Variants in NSUN6 observed in about 807,000 individuals in gnomAD.
NSUN6 encodes NOP2/Sun RNA methyltransferase 6, also known as tRNA (cytosine(72)-C(5))-methyltransferase NSUN6.
Under a neutral mutation model 58.0 loss-of-function variants are expected in NSUN6, and 64 were observed. That is an observed-to-expected ratio of 1.10 (90% confidence interval 0.90 to 1.36). The LOEUF (loss-of-function observed/expected upper bound fraction) is 1.36. Among genes scored for constraint, NSUN6 ranks in the 40% most tolerant of loss-of-function variants. The probability of loss-of-function intolerance (pLI) is 0.00; values close to 1 mark genes in which losing one functional copy is unlikely to be tolerated. For synonymous variants in NSUN6, 231 were observed against 193.9 expected (o/e 1.19, Z -1.59); for missense variants, 701 against 550.1 (o/e 1.27, Z -2.74).
At chr10:18,655,188 C>G, upstream of NSUN6, 1 of 973,052 alleles carries the variant, frequency 1.0e-6, no homozygotes, top group Non-Finnish European at 1.2e-6. Flanking sequence ...AAGAAAGGAA[C>G]AAACAACATA....
intron 10 of NSUN6, among the ~76,000 whole-genome samples, chr10:18,546,546 A>G (rs746573451): frequency 2.0e-5 from 3 of 152,194 alleles, no homozygotes; most frequent in Non-Finnish European, 4.4e-5. Context: ...CACACCTGGC[A>G]TATAGCAGGG....
chr10:18,602,336 C>G (rs1270244983), intron 6 of NSUN6, among the ~76,000 whole-genome samples: 2 of 151,836 alleles, frequency 1.3e-5, no homozygotes. Context: ...CTCCGTCTCC[C>G]AGGTTCATGC....
rs367762929 is a variant in NSUN6 at position 18,615,584 on chromosome 10, T to C, written c.421+600A>G. ...ACACATAAACAGACATGAGCCAGAC[T>C]TGGCCAGGAGGTAGTAGTTGACCCA... On this transcript the variant is annotated intron_variant, in intron 4 of 10. Coordinates refer to ENST00000377304, the MANE Select transcript of NSUN6 (RefSeq NM_182543.5). Among the ~76,000 whole-genome samples the C allele has an allele frequency of 4.2e-4, 64 of 152,320 alleles. No homozygotes were observed. In the East Asian group the frequency reaches 5.2e-3, roughly 12 times the overall value.
At chr10:18,632,600 T>A (rs1254537172) in intron 3 of NSUN6, among the ~76,000 whole-genome samples, 3 of 151,806 alleles carry the variant, frequency 2.0e-5, no homozygotes, top group Non-Finnish European at 2.9e-5. Context: ...GCGAAGGACA[T>A]GAACAGACAC....
chr10:18,615,493 C>T (rs2058378077), intron 4 of NSUN6, among the ~76,000 whole-genome samples: 1 of 152,112 alleles, frequency 6.6e-6, no homozygotes, highest in African/African-American at 2.4e-5. Context: ...GTGGCATATT[C>T]TTCTTTATAT....
chr10:18,596,599 T>C (rs534049802), intron 6 of NSUN6, among the ~76,000 whole-genome samples: 1 of 152,338 alleles, frequency 6.6e-6, no homozygotes, highest in African/African-American at 2.4e-5. Context: ...ATCAGTATTT[T>C]CTGGGTACCA....
chr10:18,554,001 G>GT (rs1264829875), intron 8 of NSUN6, among the ~76,000 whole-genome samples: 2 of 150,780 alleles, frequency 1.3e-5, no homozygotes, highest in African/African-American at 4.9e-5. Context: ...AATGGAGAAT[G>GT]TAATTGATTA....
intron 8 of NSUN6, among the ~76,000 whole-genome samples, chr10:18,555,932 G>GAATGGAATGA (rs2054982082): frequency 7.0e-6 from 1 of 142,228 alleles, no homozygotes; most frequent in Non-Finnish European, 1.5e-5. Context: ...GAATGGAATG[G>GAATGGAATGA]AGAATGGAAG....
intron 8 of NSUN6, among the ~76,000 whole-genome samples, chr10:18,578,390 C>T (rs1398301255): frequency 6.6e-6 from 1 of 152,080 alleles, no homozygotes; most frequent in Non-Finnish European, 1.5e-5. Context: ...CATGCCACCA[C>T]ACTCAGCTAA....
At chr10:18,651,607 C>G, upstream of NSUN6, 12 of 987,552 alleles carry the variant, frequency 1.2e-5, no homozygotes, top group Non-Finnish European at 1.4e-5. Flanking sequence ...ACACGCGCCC[C>G]CTATTTCTCG....
intron 2 of NSUN6, among the ~76,000 whole-genome samples, chr10:18,645,523 G>A (rs1232774012): frequency 6.6e-6 from 1 of 152,066 alleles, no homozygotes; most frequent in Non-Finnish European, 1.5e-5. Context: ...TAATATTTTT[G>A]AGGTTAATCC....
intron 6 of NSUN6, among the ~76,000 whole-genome samples, chr10:18,601,327 CA>C (rs2057830344): frequency 6.6e-6 from 1 of 151,920 alleles, no homozygotes; most frequent in Non-Finnish European, 1.5e-5. Context: ...AATTTTAGTT[CA>C]AAATGAAACT....
At chr10:18,592,202 T>G (rs2057403534) in intron 7 of NSUN6, among the ~76,000 whole-genome samples, 1 of 152,112 alleles carries the variant, frequency 6.6e-6, no homozygotes, top group Non-Finnish European at 1.5e-5. Context: ...TGCAAACCAT[T>G]GTTCAGGGAA....
intron 5 of NSUN6, 59 bp from the exon 6 acceptor site, chr10:18,609,985 GT>G: frequency 2.9e-6 from 3 of 1,035,226 alleles, no homozygotes; most frequent in Non-Finnish European, 4.5e-6. Flanking sequence ...TACAAACTAT[GT>G]TTCCAGAAAC....
intron 3 of NSUN6, among the ~76,000 whole-genome samples, chr10:18,639,126 C>A (rs10829058): frequency 0.34 from 50,979 of 151,760 alleles, 9,248 homozygotes; most frequent in East Asian, 0.73. Context: ...ACAGTAAATA[C>A]AAATTAGCTG....
chr10:18,611,200 T>A lies in NSUN6; in HGVS notation c.576-1274A>T, dbSNP rs569632233. Among the ~76,000 whole-genome samples the A allele has an allele frequency of 6.6e-5, 10 of 150,398 alleles. 1 individual carries two copies. The South Asian group carries it at 1.5e-3, about 22-fold the overall frequency. On this transcript the variant is annotated intron_variant, in intron 5 of 10. Coordinates refer to ENST00000377304, the MANE Select transcript of NSUN6 (RefSeq NM_182543.5). The stretch of plus-strand genomic sequence containing the variant: ...AACGAGCACCCAAATAAATAAAATT[T>A]TTAAAAAAATTTTTTTTAAAAATCA...
At chr10:18,654,949 G>C (rs1445160448), upstream of NSUN6, 20 of 306,778 alleles carry the variant, frequency 6.5e-5, no homozygotes, top group Non-Finnish European at 9.1e-5. Flanking sequence ...TAAGAATACT[G>C]CCAGGATTAA....
At chr10:18,594,685 G>A (rs10764601) in intron 7 of NSUN6, among the ~76,000 whole-genome samples, 52,105 of 151,882 alleles carry the variant, frequency 0.34, 9,544 homozygotes, top group East Asian at 0.74. Context: ...TCTTAACCTC[G>A]TGATCCAATT....
chr10:18,545,948 T>G lies in NSUN6; in HGVS notation c.1395A>C (p.Lys465Asn), dbSNP rs745550075. Residue 465 changes from lysine (K) to asparagine (N), a missense_variant, in exon 11 of 11, where the codon AAA (lysine) becomes AAC (asparagine). By Grantham distance (94) the Lys-to-Asn change is moderately conservative. Coordinates refer to ENST00000377304, the MANE Select transcript of NSUN6 (RefSeq NM_182543.5). ...CATCCCTCTCCTATGTGCTTTTGCA[T>G]TTTACAAATTTTGCAATAAAAAAAC... is the stretch of plus-strand genomic sequence containing the variant. Reference protein sequence around the residue: ...SIGFFIAKFVKCKST With the variant: ...SIGFFIAKFVNCKST The G allele has an allele frequency of 1.6e-5, 25 of 1,575,376 alleles. No individual in the cohort carries two copies. The East Asian group carries it at 4.9e-4, about 31-fold the overall frequency.
Sources: gnomAD v4.1 joint callset for allele counts (sites outside exome capture counted in the v4.1 genomes callset) on GRCh38, gnomAD v4.1.1 for gene constraint, MANE v1.5 for transcripts, NCBI Gene and HGNC (gene_info 2026-07-23, HGNC 2026-07-21) for gene names.